Variants in AGBL3 observed in about 807,000 individuals in gnomAD.
AGBL3 encodes the protein cytosolic carboxypeptidase 3.
Under a neutral mutation model 94.5 loss-of-function variants are expected in AGBL3, and 68 were observed. The ratio of observed to expected loss-of-function variants is 0.72; its 90% CI spans 0.59 to 0.88. The LOEUF is 0.88. AGBL3 is among the 40% of genes least tolerant of loss of function. The pLI, the probability that AGBL3 is intolerant of heterozygous loss-of-function variation, is 0.00. For synonymous variants in AGBL3, 354 were observed against 370.7 expected (o/e 0.95, Z 0.52); for missense variants, 934 against 1,103.8 (o/e 0.85, Z 2.18).
intron 16 of AGBL3, among the ~76,000 whole-genome samples, chr7:135,133,367 A>G (rs1829062094): frequency 6.6e-6 from 1 of 152,240 alleles, no homozygotes; most frequent in African/African-American, 2.4e-5. Context: ...AGCTTAATAT[A>G]CAAGTTTAAC....
chr7:135,009,747 A>T (rs1295907899), intron 4 of AGBL3, among the ~76,000 whole-genome samples: 2 of 152,238 alleles, frequency 1.3e-5, no homozygotes, highest in Non-Finnish European at 2.9e-5. Flanking sequence ...TAACCCACTT[A>T]TATCTGCAGC....
chr7:135,108,764 T>C (rs931651231), intron 15 of AGBL3, among the ~76,000 whole-genome samples: 3 of 152,240 alleles, frequency 2.0e-5, no homozygotes, highest in Non-Finnish European at 1.5e-5. Context: ...GGGGAAGTTT[T>C]CATGGACAAT....
intron 11 of AGBL3, among the ~76,000 whole-genome samples, chr7:135,049,894 T>G (rs936464415): frequency 6.6e-5 from 10 of 151,848 alleles, no homozygotes; most frequent in Non-Finnish European, 1.5e-4. Flanking sequence ...GTTTTTCTAT[T>G]TTCTATTTTG....
chr7:135,067,191 G>A (rs988866758), intron 12 of AGBL3, among the ~76,000 whole-genome samples: 15 of 152,204 alleles, frequency 9.9e-5, no homozygotes, highest in African/African-American at 3.4e-4. Context: ...GCTGGGGGAC[G>A]GGCACCCACC....
At chr7:135,001,064 G>A (rs1394177459) in intron 4 of AGBL3, among the ~76,000 whole-genome samples, 4 of 152,174 alleles carry the variant, frequency 2.6e-5, no homozygotes, top group Non-Finnish European at 4.4e-5. Context: ...ACAATATTAG[G>A]TAGGGAAGTG....
At position 135,096,558 on chromosome 7, in the gene AGBL3, AAGATAGATAGATAGATAGATAGATACAT is replaced by A. The variant is rs1247862203; in HGVS notation, c.2110+14794_2110+14821del. 6.3e-3 allele frequency among the ~76,000 whole-genome samples: 501 copies of A among 79,778 alleles called. 17 individuals carry two copies. The highest frequency in any genetic ancestry group is 0.019 in the African/African-American group (415 of 21,640). The allele number at this position is 79,778 out of a possible 152,430, so 52.3% of individuals were successfully genotyped here. A position where few individuals can be genotyped will look rare whatever the true frequency, so the allele number is the denominator to read the frequency against. On this transcript the variant is annotated intron_variant, in intron 15 of 16. Coordinates refer to ENST00000436302, the MANE Select transcript of AGBL3 (RefSeq NM_178563.4). ...AAAAAGAAAAAGAAAGAAAGAAAGA[AAGATAGATAGATAGATAGATAGATACAT>A]AGATAGATAGATAGATAGATAGATA...
At chr7:135,052,670 C>T (rs976125619) in intron 11 of AGBL3, among the ~76,000 whole-genome samples, 4 of 151,920 alleles carry the variant, frequency 2.6e-5, no homozygotes, top group African/African-American at 9.7e-5. Flanking sequence ...TGAGAACATG[C>T]GGTATTTGAA....
chr7:135,110,494 T>A (rs1825470489), intron 15 of AGBL3, among the ~76,000 whole-genome samples: 1 of 152,114 alleles, frequency 6.6e-6, no homozygotes, highest in African/African-American at 2.4e-5. Flanking sequence ...AGTGGGTTCA[T>A]GAGAAGACCT....
rs1056755148 is a variant in AGBL3 at position 135,135,230 on chromosome 7, C to A, written c.2732C>A (p.Thr911Asn). 11 of 1,532,446 alleles carry A rather than the reference C, an allele frequency of 7.2e-6. No individual in the cohort carries two copies. The highest frequency in any genetic ancestry group is 8.8e-6 in the Non-Finnish European group (10 of 1,139,342). The allele number at this position is 1,532,446 out of a possible 1,614,324, so 94.9% of individuals were successfully genotyped here. A position where few individuals can be genotyped will look rare whatever the true frequency, so the allele number is the denominator to read the frequency against. The stretch of plus-strand genomic sequence containing the variant: ...GCCAATAAGAATGATGGACAACCCA[C>A]CTTATATCTGAAGTTCCAAAGGGAG... Reference protein sequence around the residue: ...EQANKNDGQPTLYLKFQRES With the variant: ...EQANKNDGQPNLYLKFQRES Residue 911 changes from threonine (T) to asparagine (N), a missense_variant, in exon 17 of 17, where the codon ACC becomes AAC. This residue lies in a region of AGBL3 where 441 missense variants were observed against 518.2 expected (regional missense o/e 0.85). Transcript: ENST00000436302.
At chr7:135,001,320 C>G (rs1004230713) in intron 4 of AGBL3, among the ~76,000 whole-genome samples, 4 of 152,138 alleles carry the variant, frequency 2.6e-5, no homozygotes, top group African/African-American at 4.8e-5. Context: ...TTCTCCACCC[C>G]CTTTCCATTT....
chr7:135,008,117 T>C (rs572687186), intron 4 of AGBL3, among the ~76,000 whole-genome samples: 1 of 152,014 alleles, frequency 6.6e-6, no homozygotes, highest in East Asian at 1.9e-4. Flanking sequence ...GGTTGCTTTG[T>C]AGAAATTGAC....
intron 15 of AGBL3, among the ~76,000 whole-genome samples, chr7:135,085,466 A>G (rs73153755): frequency 0.069 from 10,433 of 152,058 alleles, 435 homozygotes; most frequent in East Asian, 0.19. Context: ...TTCTTCTGGT[A>G]GTTTCATAGT....
At chr7:135,129,143 C>G in intron 16 of AGBL3, 1 of 1,494,102 alleles carries the variant, frequency 6.7e-7, no homozygotes, top group Non-Finnish European at 9.3e-7. Flanking sequence ...CCTATTATGA[C>G]TGCCTTCTCC....
intron 12 of AGBL3, among the ~76,000 whole-genome samples, chr7:135,072,901 C>T (rs1820067977): frequency 6.6e-6 from 1 of 151,304 alleles, no homozygotes; most frequent in African/African-American, 2.4e-5. Context: ...TACCCTAAAA[C>T]TTAAAGTATA....
intron 11 of AGBL3, chr7:135,051,085 G>T (rs1036300097): frequency 2.4e-6 from 1 of 413,850 alleles, no homozygotes; most frequent in Non-Finnish European, 4.7e-6. Context: ...AATAATAACT[G>T]GAAAATTCAA....
At chr7:135,056,936 TGAA>T (rs1056201303) in intron 11 of AGBL3, among the ~76,000 whole-genome samples, 2 of 152,086 alleles carry the variant, frequency 1.3e-5, no homozygotes, top group African/African-American at 4.8e-5. Flanking sequence ...AACAAAATAC[TGAA>T]GAAGGACAAA....
intron 11 of AGBL3, among the ~76,000 whole-genome samples, chr7:135,056,272 T>C (rs1818341440): frequency 1.3e-5 from 2 of 152,110 alleles, no homozygotes; most frequent in South Asian, 2.1e-4. Flanking sequence ...TTACTTCTTT[T>C]TTTCTGCTTG....
chr7:135,047,521 C>T (rs1000159161), intron 11 of AGBL3, among the ~76,000 whole-genome samples: 6 of 151,956 alleles, frequency 3.9e-5, no homozygotes, highest in Admixed American at 3.9e-4. Flanking sequence ...TCAATTTCTC[C>T]ACATTCTCCC....
intron 3 of AGBL3, among the ~76,000 whole-genome samples, chr7:134,993,271 AAATT>A (rs1222866986): frequency 6.6e-6 from 1 of 152,380 alleles, no homozygotes; most frequent in East Asian, 1.9e-4. Context: ...CTTTTAGAAT[AAATT>A]AATAGTATAA....
Sources: allele counts gnomAD v4.1 joint callset (sites outside exome capture counted in the v4.1 genomes callset), GRCh38; gene constraint gnomAD v4.1.1; regional missense constraint gnomAD v4.1.1; transcripts MANE v1.5; gene names NCBI Gene and HGNC (gene_info 2026-07-23, HGNC 2026-07-21).